The following INO80D variants were observed in gnomAD, a reference collection of about 807,000 sequenced individuals.
INO80D encodes the protein INO80 complex subunit D.
A neutral mutation model predicts 87.6 loss-of-function variants in INO80D; 21 were observed. The ratio of observed to expected loss-of-function variants is 0.24; its 90% CI spans 0.17 to 0.35. The LOEUF is 0.35. INO80D is among the 10% of genes least tolerant of loss of function. The pLI, the probability that INO80D is intolerant of heterozygous loss-of-function variation, is 1.00. For synonymous variants in INO80D, 440 were observed against 491.0 expected, an observed-to-expected ratio of 0.90 and a Z score of 1.37; for missense variants, 982 against 1,280.7, an observed-to-expected ratio of 0.77 and a Z score of 3.56.
At chr2:206,005,819 T>C (rs968034872) in intron 10 of INO80D, among the ~76,000 whole-genome samples, 47 of 152,168 alleles carry the variant, frequency 3.1e-4, no homozygotes, top group African/African-American at 1.0e-3. Flanking sequence ...ATTCTAAGGA[T>C]TACAAATTTA....
chr2:206,038,644 CA>C, intron 5 of INO80D, among the ~76,000 whole-genome samples: 1 of 152,098 alleles, frequency 6.6e-6, no homozygotes, highest in South Asian at 2.1e-4. Context: ...GTGGCCTGGG[CA>C]ACATGGTGAA....
At chr2:206,078,952 G>C (rs1690200828) in intron 1 of INO80D, among the ~76,000 whole-genome samples, 1 of 151,990 alleles carries the variant, frequency 6.6e-6, no homozygotes, top group Non-Finnish European at 1.5e-5. Context: ...AAAAAGAAAA[G>C]AAAAAGACAT....
intron 6 of INO80D, among the ~76,000 whole-genome samples, chr2:206,021,505 A>G (rs1205901960): frequency 2.6e-5 from 4 of 152,238 alleles, no homozygotes; most frequent in African/African-American, 9.6e-5. Context: ...ATTTAGCCCT[A>G]TAAAAGGAAT....
intron 1 of INO80D, among the ~76,000 whole-genome samples, chr2:206,079,782 C>T (rs958050867): frequency 3.9e-5 from 6 of 152,174 alleles, no homozygotes; most frequent in African/African-American, 1.4e-4. Context: ...TCCCCTAACA[C>T]AGAAACTCCT....
Position 206,004,612 on chromosome 2 carries a change from C to A in INO80D, c.2840G>T (p.Gly947Val), listed in dbSNP as rs761162979. The change falls in exon 11 of 11, where the codon GGG becomes GTG. Residue 947 changes from glycine to valine, a missense_variant. By Grantham distance (109) the Gly-to-Val change is moderately radical (BLOSUM62 -3). Coordinates refer to ENST00000403263, the MANE Select transcript of INO80D (RefSeq NM_017759.5). This position sits in a 1 kb window ranked among gnomAD's most constrained non-coding sequence, Gnocchi z 4.9. ...VTPSSSSVLP[G>V]LPQTSFSGMG... ...GCCACTGAAGCTGGTCTGTGGTAAC[C>A]CCGGAAGCACACTGGAGCTGCTGGG... 1 of 1,612,530 alleles carries A rather than the reference C, an allele frequency of 6.2e-7. No individual in the cohort carries two copies. Among genetic ancestry groups the A allele is most frequent in the Non-Finnish European group, 8.5e-7 (1 of 1,179,326 alleles).
chr2:206,047,856 A>ATTTTTTTT (rs1175389682), intron 4 of INO80D, among the ~76,000 whole-genome samples: 4,879 of 139,400 alleles, frequency 0.035, 242 homozygotes, highest in Non-Finnish European at 0.056. Context: ...ATTTCTTTCA[A>ATTTTTTTT]TTTTTTTTTT....
chr2:206,071,058 A>G (rs1689952110), intron 1 of INO80D, among the ~76,000 whole-genome samples: 1 of 151,776 alleles, frequency 6.6e-6, no homozygotes, highest in South Asian at 2.1e-4. Flanking sequence ...CCTGGGTTCA[A>G]GCGAATTCTC....
At chr2:206,007,655 C>CAG (rs1452168562) in intron 9 of INO80D, among the ~76,000 whole-genome samples, 2 of 152,034 alleles carry the variant, frequency 1.3e-5, no homozygotes, top group East Asian at 3.9e-4. Context: ...AACCTTGTCT[C>CAG]TACTAAGAAT....
Position 206,025,542 on chromosome 2 carries a change from A to AAAATATATAT in INO80D, c.1298+2568_1298+2569insATATATATTT, listed in dbSNP as rs71301548. On this transcript the variant is annotated intron_variant, in intron 6 of 10. Coordinates refer to ENST00000403263, the MANE Select transcript of INO80D (RefSeq NM_017759.5). ...AAACTCCATCTCAAAAAAAAAAAAA[A>AAAATATATAT]ATATATATATATATATATATATATA... is the stretch of plus-strand genomic sequence containing the variant. 158 of 76,878 alleles carry AAAATATATAT rather than the reference A, an allele frequency of 2.1e-3. 1 individual carries two copies. Among genetic ancestry groups the AAAATATATAT allele is most frequent in the East Asian group, 5.7e-3 (13 of 2,296 alleles). The allele number at this position is 76,878 out of a possible 1,614,324, so 4.8% of individuals were successfully genotyped here. A position where few individuals can be genotyped will look rare whatever the true frequency, so the allele number is the denominator to read the frequency against.
At position 206,004,653 on chromosome 2, in the gene INO80D, G is replaced by C; in HGVS notation, c.2799C>G (p.Ala933=). ...AGCTGCTGGGGGTCACGGTGGCGAA[G>C]GCAGGCTGTGTGGTCTCTGAGTTCG... ...TTSNSETTQP[A]FATVTPSSSS... Residue 933 remains alanine, a synonymous_variant, in exon 11 of 11, where the codon GCC becomes GCG. Coordinates refer to ENST00000403263, the MANE Select transcript of INO80D (RefSeq NM_017759.5). This position sits in a 1 kb window ranked among gnomAD's most constrained non-coding sequence, Gnocchi z 4.9. The C allele has an allele frequency of 6.2e-7, 1 of 1,613,890 alleles. No individual in the cohort carries two copies. The highest frequency in any genetic ancestry group is 8.5e-7 in the Non-Finnish European group (1 of 1,179,824).
At chr2:206,072,998 C>G (rs556751252) in intron 1 of INO80D, among the ~76,000 whole-genome samples, 1 of 151,954 alleles carries the variant, frequency 6.6e-6, no homozygotes, top group Non-Finnish European at 1.5e-5. Flanking sequence ...TCACTGTGCC[C>G]AACTAATTTT....
chr2:206,001,333 G>A lies in INO80D; in HGVS notation c.*3035C>T, dbSNP rs1687905796. On this transcript the variant is annotated 3_prime_UTR_variant, in exon 11 of 11. Transcript: ENST00000403263. The stretch of plus-strand genomic sequence containing the variant: ...TGTATCCATTAACTGCAGCAACTTT[G>A]TAAATTAAATCACAGTAACACAATC... The A allele has an allele frequency of 6.6e-6, 1 of 152,160 alleles. No individual in the cohort carries two copies. 9.4% of individuals were successfully genotyped at this position (152,160 alleles called of 1,614,324 possible).
Position 206,085,537 on chromosome 2 carries a change from G to A in INO80D, c.-124+364C>T, listed in dbSNP as rs1690430697. 6.7e-6 allele frequency: 1 copy of A among 150,166 alleles called. No homozygotes were observed. Among genetic ancestry groups the A allele is most frequent in the Admixed American group, 6.6e-5 (1 of 15,086 alleles). 9.3% of individuals were successfully genotyped at this position (150,166 alleles called of 1,614,324 possible). On this transcript the variant is annotated intron_variant, in intron 1 of 10. Transcript: ENST00000403263. The surrounding 1 kb of genome is among the most constrained non-coding windows in gnomAD (Gnocchi z 4.5). The stretch of plus-strand genomic sequence containing the variant: ...GGGGGCGCGCGGAGGCCCGGGGTGC[G>A]GGGGCAGGGCGCGGCTGCCGTGGGG...
At chr2:206,083,436 CAT>C (rs1429731394) in intron 1 of INO80D, among the ~76,000 whole-genome samples, 3 of 152,078 alleles carry the variant, frequency 2.0e-5, no homozygotes, top group Admixed American at 6.5e-5. Flanking sequence ...TTTTGGTACA[CAT>C]GTTTAAAAAA....
intron 3 of INO80D, among the ~76,000 whole-genome samples, chr2:206,061,783 T>A (rs1689696981): frequency 6.6e-6 from 1 of 152,224 alleles, no homozygotes; most frequent in Non-Finnish European, 1.5e-5. Context: ...AATATCTGAT[T>A]CCTTTCCAAC....
At chr2:206,027,928 G>A (rs1559441058) in intron 6 of INO80D, among the ~76,000 whole-genome samples, 183 bp downstream of exon 6, 1 of 152,066 alleles carries the variant, frequency 6.6e-6, no homozygotes, top group East Asian at 1.9e-4. Context: ...TAATTTTACT[G>A]TTAGCTCATG....
At chr2:206,037,430 G>A (rs767495388) in intron 5 of INO80D, among the ~76,000 whole-genome samples, 17 of 152,056 alleles carry the variant, frequency 1.1e-4, no homozygotes, top group Non-Finnish European at 1.9e-4. Flanking sequence ...TACATATTAA[G>A]AAAAATAATG....
At chr2:206,063,109 G>A (rs903352970) in intron 2 of INO80D, 42 bp downstream of exon 2, 2 of 867,730 alleles carry the variant, frequency 2.3e-6, no homozygotes, top group Non-Finnish European at 3.6e-6. Flanking sequence ...GCAGATTTAA[G>A]TTGAGAATTT....
At chr2:206,031,268 A>G (rs903018044) in intron 5 of INO80D, among the ~76,000 whole-genome samples, 15 of 152,030 alleles carry the variant, frequency 9.9e-5, no homozygotes, top group African/African-American at 3.6e-4. Context: ...AAAAAGAAAA[A>G]AAAAAAAGAC....
Sources: gnomAD v4.1 joint callset for allele counts (sites outside exome capture counted in the v4.1 genomes callset) on GRCh38, gnomAD v4.1.1 for gene constraint, Gnocchi (gnomAD v3.1) non-coding constraint, MANE v1.5 for transcripts, NCBI Gene and HGNC (gene_info 2026-07-23, HGNC 2026-07-21) for gene names.